DNAH14: variants seen among roughly 807,000 people sequenced by gnomAD.
DNAH14 encodes dynein axonemal heavy chain 14.
DNAH14 carries 478 observed loss-of-function variants against 520.9 expected under a neutral mutation model. The ratio of observed to expected loss-of-function variants is 0.92; its 90% confidence interval spans 0.85 to 0.99. DNAH14 has a LOEUF of 0.99. Ranked by LOEUF, DNAH14 falls within the 50% of genes least tolerant of loss-of-function variation. The probability of loss-of-function intolerance (pLI) is 0.00; values close to 1 mark genes in which losing one functional copy is unlikely to be tolerated. For missense variants in DNAH14, 4,831 were observed against 5,234.5 expected (o/e 0.92, Z 2.38); for synonymous variants, 1,581 against 1,757.2 (o/e 0.90, Z 2.51).
chr1:225,151,988 A>G lies in DNAH14; in HGVS notation c.4941-17A>G. ...AGAGAAAACAGTGCTAGTGATGAAT[A>G]CTGTAATGTCTTTTAGGTTTGTACT... On this transcript the variant is annotated splice_polypyrimidine_tract_variant and intron_variant, in intron 31 of 85. Transcript: ENST00000682510. 6.5e-7 allele frequency: 1 copy of G among 1,547,776 alleles called. No individual in the cohort carries two copies. Among genetic ancestry groups the G allele is most frequent in the Non-Finnish European group, 8.7e-7 (1 of 1,143,442 alleles).
At chr1:225,256,414 C>T (rs1035147185) in intron 44 of DNAH14, among the ~76,000 whole-genome samples, 5 of 151,942 alleles carry the variant, frequency 3.3e-5, no homozygotes, top group Non-Finnish European at 7.4e-5. Flanking sequence ...TTGGGGTCAA[C>T]TGCGGCAGGA....
intron 34 of DNAH14, 132 bp from the exon 35 acceptor site, chr1:225,159,182 G>C (rs1224255391): frequency 2.9e-6 from 2 of 689,972 alleles, no homozygotes; most frequent in African/African-American, 3.7e-5. Flanking sequence ...CCATATGGCT[G>C]CTATCCAGTG....
intron 55 of DNAH14, among the ~76,000 whole-genome samples, chr1:225,298,920 C>A (rs1196158987): frequency 1.3e-5 from 2 of 152,192 alleles, no homozygotes; most frequent in African/African-American, 2.4e-5. Flanking sequence ...CTCTTGACTC[C>A]CAGCTGATCT....
rs758847493 is a variant in DNAH14 at position 225,051,737 on chromosome 1, A to G, written c.2366A>G (p.His789Arg). 7.7e-6 allele frequency: 12 copies of G among 1,549,604 alleles called. No homozygotes were observed. The South Asian group carries it at 8.4e-5, about 11-fold the overall frequency. The change falls in exon 17 of 86, where the codon CAT becomes CGT. Residue 789 changes from histidine to arginine, a missense_variant. His to Arg is a conservative substitution (Grantham distance 29). Coordinates refer to ENST00000682510, the MANE Select transcript of DNAH14 (RefSeq NM_001367479.1). ...ECLLYIDNVIHMSHTLIQSVI... is the reference protein window; with the variant it reads ...ECLLYIDNVIRMSHTLIQSVI... Reference sequence around the variant, plus strand: ...TTACTGTATATTGACAACGTCATACATATGAGCCACACCCTCATACAATCT... The same window carrying G: ...TTACTGTATATTGACAACGTCATACGTATGAGCCACACCCTCATACAATCT...
At chr1:225,067,335 A>G (rs2071011634) in intron 17 of DNAH14, among the ~76,000 whole-genome samples, 1 of 152,160 alleles carries the variant, frequency 6.6e-6, no homozygotes. Context: ...CATAGTGTAT[A>G]CATACCATAT....
At chr1:225,297,215 C>G (rs971731349) in intron 55 of DNAH14, among the ~76,000 whole-genome samples, 2 of 151,910 alleles carry the variant, frequency 1.3e-5, no homozygotes, top group African/African-American at 4.8e-5. Context: ...TGTTTTTGAT[C>G]CTTTTTGTGA....
At chr1:224,988,638 A>G (rs1056325307) in intron 8 of DNAH14, among the ~76,000 whole-genome samples, 2 of 152,296 alleles carry the variant, frequency 1.3e-5, no homozygotes, top group Non-Finnish European at 2.9e-5. Context: ...AAAGGAATAT[A>G]AATCATTCTA....
chr1:225,239,645 T>A (rs2149626215), intron 42 of DNAH14, among the ~76,000 whole-genome samples: 1 of 152,312 alleles, frequency 6.6e-6, no homozygotes, highest in Non-Finnish European at 1.5e-5. Flanking sequence ...CTTGACAGAC[T>A]TTTTTCTTTA....
chr1:225,324,724 C>T lies in DNAH14; in HGVS notation c.9628-13C>T. ...CGTTTTTGACACTTAAATGTTCTGA[C>T]ATTCTCTTTAAGGTTGTGGGCCCTA... is the stretch of plus-strand genomic sequence containing the variant. On this transcript the variant is annotated splice_polypyrimidine_tract_variant and intron_variant, in intron 63 of 85. Coordinates refer to ENST00000682510, the MANE Select transcript of DNAH14 (RefSeq NM_001367479.1). 1.3e-6 allele frequency: 2 copies of T among 1,546,606 alleles called. No homozygotes were observed. Among genetic ancestry groups the T allele is most frequent in the Non-Finnish European group, 1.7e-6 (2 of 1,144,286 alleles).
Position 225,337,373 on chromosome 1 carries a change from G to A in DNAH14, c.10188G>A (p.Arg3396=). ...GGCCACTGCTGATTGACCCACATAG[G>A]CAAGCTCACAAATGGATCCGTCAGA... ...QQWPLLIDPH[R]QAHKWIRQME... The change falls in exon 67 of 86, where the codon AGG becomes AGA. Residue 3396 remains arginine, a synonymous_variant. Transcript: ENST00000682510. The A allele has an allele frequency of 6.4e-7, 1 of 1,551,598 alleles. No individual in the cohort carries two copies. The highest frequency in any genetic ancestry group is 8.7e-7 in the Non-Finnish European group (1 of 1,146,972).
intron 56 of DNAH14, among the ~76,000 whole-genome samples, chr1:225,301,550 T>C (rs1346597482): frequency 6.6e-6 from 1 of 152,168 alleles, no homozygotes; most frequent in Non-Finnish European, 1.5e-5. Flanking sequence ...TGATGAGAGA[T>C]ATAGATTAGT....
intron 12 of DNAH14, among the ~76,000 whole-genome samples, chr1:225,041,382 T>C (rs1036405832): frequency 1.3e-5 from 2 of 152,284 alleles, no homozygotes; most frequent in Non-Finnish European, 2.9e-5. Flanking sequence ...GCTGTGGCTA[T>C]TCCTCTCTTG....
intron 75 of DNAH14, among the ~76,000 whole-genome samples, chr1:225,361,621 G>T (rs549131084): frequency 1.0e-3 from 156 of 152,288 alleles, no homozygotes; most frequent in African/African-American, 3.6e-3. Context: ...CTTTGAGCAT[G>T]CACAAGGAAA....
rs1334645076 is a variant in DNAH14 at position 225,120,359 on chromosome 1, C to T, written c.4166+1065C>T. ...TATCTCAAGCACTGATCTTAGGCTT[C>T]ACAATAGTGATATTATTCCCAGGAA... On this transcript the variant is annotated intron_variant, in intron 26 of 85. Coordinates refer to ENST00000682510, the MANE Select transcript of DNAH14 (RefSeq NM_001367479.1). Among the ~76,000 whole-genome samples, 15 of 152,206 alleles carry T rather than the reference C, an allele frequency of 9.9e-5. 1 individual carries two copies. Among genetic ancestry groups the T allele is most frequent in the Admixed American group, 9.8e-4 (15 of 15,280 alleles).
chr1:225,303,238 C>A lies in DNAH14; in HGVS notation c.8714C>A (p.Ser2905Tyr), dbSNP rs1453491273. 3.2e-6 allele frequency: 5 copies of A among 1,551,470 alleles called. No individual in the cohort carries two copies. Among genetic ancestry groups the A allele is most frequent in the Non-Finnish European group, 4.4e-6 (5 of 1,146,768 alleles). Residue 2905 changes from serine (S) to tyrosine (Y), a missense_variant, in exon 57 of 86, where the codon TCT (serine) becomes TAT (tyrosine). Physicochemically the swap from Ser to Tyr is moderately radical, Grantham distance 144 (BLOSUM62 -2). Coordinates refer to ENST00000682510, the MANE Select transcript of DNAH14 (RefSeq NM_001367479.1). The part of the protein sequence containing the change: ...SFRQNCRVYP[S>Y]MISSCTIDWY... Reference sequence around the variant, plus strand: ...CGCCAAAATTGTAGAGTGTATCCTTCTATGATTAGCTCCTGCACGATCGAT... The same window carrying A: ...CGCCAAAATTGTAGAGTGTATCCTTATATGATTAGCTCCTGCACGATCGAT...
chr1:225,240,856 A>G, intron 43 of DNAH14, 34 bp downstream of exon 43: 1 of 1,357,646 alleles, frequency 7.4e-7, no homozygotes, highest in South Asian at 1.4e-5. Context: ...AACTATACTT[A>G]TTTTAAAATA....
intron 28 of DNAH14, among the ~76,000 whole-genome samples, chr1:225,142,590 G>A (rs1276828319): frequency 6.6e-6 from 1 of 152,120 alleles, no homozygotes; most frequent in East Asian, 1.9e-4. Context: ...TTGGTAAGTG[G>A]TGCAGTACAC....
intron 84 of DNAH14, among the ~76,000 whole-genome samples, chr1:225,393,218 G>C (rs985074518): frequency 2.6e-5 from 4 of 152,158 alleles, no homozygotes; most frequent in Admixed American, 1.3e-4. Context: ...ACACCCACTA[G>C]GTTGGCTATA....
At chr1:225,359,749 C>T (rs2095472188) in intron 74 of DNAH14, among the ~76,000 whole-genome samples, 1 of 152,190 alleles carries the variant, frequency 6.6e-6, no homozygotes, top group Admixed American at 6.5e-5. Flanking sequence ...ATCATATTCA[C>T]GTTCCAAACA....
Sources: gnomAD v4.1 joint callset for allele counts (sites outside exome capture counted in the v4.1 genomes callset) on GRCh38, gnomAD v4.1.1 for gene constraint, MANE v1.5 for transcripts, NCBI Gene and HGNC (gene_info 2026-07-23, HGNC 2026-07-21) for gene names.